Variants in RAI14 observed in about 807,000 individuals in gnomAD.
The protein encoded by RAI14 is retinoic acid induced 14, also known as ankycorbin.
Under a neutral mutation model 115.4 loss-of-function variants are expected in RAI14, and 45 were observed. The ratio of observed to expected loss-of-function variants is 0.39; its 90% CI spans 0.31 to 0.50. The LOEUF (loss-of-function observed/expected upper bound fraction) is 0.50. RAI14 is among the 20% of genes least tolerant of loss of function. RAI14 has a pLI of 0.85. For missense variants in RAI14, 939 were observed against 1,131.2 expected (o/e 0.83, Z 2.44); for synonymous variants, 371 against 415.4 (o/e 0.89, Z 1.30).
chr5:34,674,897 A>AT (rs35952675), intron 1 of RAI14, among the ~76,000 whole-genome samples: 12,246 of 130,294 alleles, frequency 0.094, 703 homozygotes, highest in East Asian at 0.14. Context: ...ACTTCATTGG[A>AT]TTTTTTTTTT....
chr5:34,712,762 T>C (rs908487399), intron 2 of RAI14, among the ~76,000 whole-genome samples: 1 of 152,190 alleles, frequency 6.6e-6, no homozygotes, highest in Non-Finnish European at 1.5e-5. Context: ...GGAAATGTCA[T>C]GTCAGGTCTC....
intron 5 of RAI14, 36 bp downstream of exon 5, chr5:34,803,812 G>T (rs758396486): frequency 1.9e-6 from 3 of 1,565,282 alleles, no homozygotes; most frequent in South Asian, 1.1e-5. Context: ...TAAATGTGTC[G>T]GTTTTACAAT....
intron 1 of RAI14, among the ~76,000 whole-genome samples, chr5:34,662,751 CAG>C (rs1742796586): frequency 3.1e-5 from 2 of 65,248 alleles, no homozygotes; most frequent in Non-Finnish European, 6.0e-5. Context: ...TTTTTAGACA[CAG>C]AGTCTCACTC....
chr5:34,660,790 T>TTC (rs1742629694), intron 1 of RAI14, among the ~76,000 whole-genome samples: 1 of 152,106 alleles, frequency 6.6e-6, no homozygotes, highest in Admixed American at 6.6e-5. Flanking sequence ...TTTTTTTTTT[T>TTC]TTCCCTAAGT....
At chr5:34,754,503 C>T (rs922545456) in intron 2 of RAI14, among the ~76,000 whole-genome samples, 1 of 151,980 alleles carries the variant, frequency 6.6e-6, no homozygotes, top group South Asian at 2.1e-4. Flanking sequence ...GCTGGGATTA[C>T]AGTTATGAGC....
At chr5:34,820,502 C>A (rs1756713409) in intron 13 of RAI14, among the ~76,000 whole-genome samples, 1 of 152,168 alleles carries the variant, frequency 6.6e-6, no homozygotes, top group East Asian at 1.9e-4. Context: ...GTCCCAGCTA[C>A]TTGGGAAGCT....
intron 4 of RAI14, among the ~76,000 whole-genome samples, chr5:34,797,098 C>T (rs1233401949): frequency 6.6e-6 from 1 of 152,144 alleles, no homozygotes; most frequent in African/African-American, 2.4e-5. Context: ...GCTGGCCACC[C>T]CAAAAGACCA....
intron 2 of RAI14, among the ~76,000 whole-genome samples, chr5:34,744,622 A>AT (rs926969222): frequency 6.6e-6 from 1 of 152,186 alleles, no homozygotes; most frequent in East Asian, 1.9e-4. Context: ...CAGGGTTTGA[A>AT]TTCCAGGTCT....
chr5:34,730,866 C>T (rs1744089215), intron 2 of RAI14, among the ~76,000 whole-genome samples: 1 of 152,018 alleles, frequency 6.6e-6, no homozygotes, highest in African/African-American at 2.4e-5. Context: ...GCCTGTAATC[C>T]CAGCTACTCT....
chr5:34,689,765 G>A (rs1738337978), intron 2 of RAI14, among the ~76,000 whole-genome samples: 1 of 152,140 alleles, frequency 6.6e-6, no homozygotes, highest in Non-Finnish European at 1.5e-5. Flanking sequence ...CCAGCTACTT[G>A]GGAGGCTGAG....
At chr5:34,818,951 G>A in intron 13 of RAI14, 100 bp downstream of exon 13, 1 of 1,092,800 alleles carries the variant, frequency 9.2e-7, no homozygotes, top group Non-Finnish European at 1.3e-6. Flanking sequence ...GTGTAAAAAT[G>A]TCACAAGCCA....
At chr5:34,767,447 G>A (rs1009900185) in intron 3 of RAI14, among the ~76,000 whole-genome samples, 15 of 152,126 alleles carry the variant, frequency 9.9e-5, no homozygotes, top group African/African-American at 3.6e-4. Context: ...CTGCTGGAGC[G>A]GGAGATTCTC....
intron 13 of RAI14, among the ~76,000 whole-genome samples, chr5:34,820,392 C>T (rs1044135984): frequency 6.6e-6 from 1 of 152,022 alleles, no homozygotes; most frequent in African/African-American, 2.4e-5. Context: ...CCAGCCTGGC[C>T]AATGTGGCAA....
intron 2 of RAI14, among the ~76,000 whole-genome samples, chr5:34,730,886 G>A (rs920573479): frequency 6.6e-6 from 1 of 152,222 alleles, no homozygotes; most frequent in Non-Finnish European, 1.5e-5. Flanking sequence ...TGGAGGCTGA[G>A]GCAGGAGAAT....
intron 2 of RAI14, chr5:34,716,122 G>A: frequency 2.3e-6 from 1 of 427,466 alleles, no homozygotes; most frequent in Non-Finnish European, 4.6e-6. Flanking sequence ...AGTTATTTGT[G>A]GCAAAAGACA....
intron 3 of RAI14, among the ~76,000 whole-genome samples, chr5:34,787,052 C>T (rs1389815061): frequency 2.6e-5 from 4 of 152,206 alleles, no homozygotes; most frequent in East Asian, 3.8e-4. Flanking sequence ...GGTTCAGGAA[C>T]GTCTTTAAGC....
chr5:34,700,422 T>C (rs1739921595), intron 2 of RAI14, among the ~76,000 whole-genome samples: 1 of 152,214 alleles, frequency 6.6e-6, no homozygotes, highest in Non-Finnish European at 1.5e-5. Flanking sequence ...AACAAGTGGC[T>C]TTAGGTGGCA....
At chr5:34,664,108 G>A (rs539688728) in intron 1 of RAI14, among the ~76,000 whole-genome samples, 1 of 152,224 alleles carries the variant, frequency 6.6e-6, no homozygotes, top group South Asian at 2.1e-4. Flanking sequence ...GAGAAAAGGT[G>A]GTTGTAGTCC....
intron 1 of RAI14, among the ~76,000 whole-genome samples, chr5:34,676,610 G>C (rs1454354079): frequency 6.6e-6 from 1 of 152,180 alleles, no homozygotes; most frequent in East Asian, 1.9e-4. Context: ...CAGAACCACA[G>C]CCAATTTTGT....
Sources: gnomAD v4.1 joint callset for allele counts (sites outside exome capture counted in the v4.1 genomes callset) on GRCh38, gnomAD v4.1.1 for gene constraint, MANE v1.5 for transcripts, NCBI Gene and HGNC (gene_info 2026-07-23, HGNC 2026-07-21) for gene names.